The following RPH3A variants were observed in gnomAD, a reference collection of about 807,000 sequenced individuals.
RPH3A encodes the protein rabphilin-3A.
Under a neutral mutation model 102.2 loss-of-function variants are expected in RPH3A, and 48 were observed. The observed-to-expected ratio is 0.47, with a 90% CI of 0.37 to 0.60. The LOEUF (loss-of-function observed/expected upper bound fraction) is 0.60. RPH3A is among the 20% of genes least tolerant of loss of function. The probability of loss-of-function intolerance (pLI) is 0.00; values close to 1 mark genes in which losing one functional copy is unlikely to be tolerated. For synonymous variants in RPH3A, 310 were observed against 324.3 expected (o/e 0.96, Z 0.47); for missense variants, 781 against 910.1 (o/e 0.86, Z 1.83).
At chr12:112,798,120 A>G (rs567449602) in intron 2 of RPH3A, among the ~76,000 whole-genome samples, 1 of 152,342 alleles carries the variant, frequency 6.6e-6, no homozygotes, top group South Asian at 2.1e-4. Flanking sequence ...TCTTGCTGTC[A>G]TTGGTTTTAA....
rs1840259716 is a variant in RPH3A at position 112,736,467 on chromosome 12, A to G, written c.-139-55676A>G. ...GACTTTGTCTTCTTCAGCATCTTGC[A>G]TTGGCCTGGCACATAGTAAGTGCTG... On this transcript the variant is annotated intron_variant, in intron 1 of 21. Transcript: ENST00000543106. 2.6e-5 allele frequency among the ~76,000 whole-genome samples: 4 copies of G among 152,218 alleles called. No homozygotes were observed. The South Asian group carries it at 8.3e-4, about 32-fold the overall frequency.
At chr12:112,691,189 T>C (rs1364563377) in intron 1 of RPH3A, among the ~76,000 whole-genome samples, 1 of 152,134 alleles carries the variant, frequency 6.6e-6, no homozygotes, top group Non-Finnish European at 1.5e-5. Flanking sequence ...CACGCCCGGC[T>C]AATTTTTTAT....
At chr12:112,597,719 A>C (rs1024555398) in intron 1 of RPH3A, among the ~76,000 whole-genome samples, 1 of 152,234 alleles carries the variant, frequency 6.6e-6, no homozygotes, top group Admixed American at 6.5e-5. Flanking sequence ...GCATGAAACA[A>C]GTTTGTAATT....
chr12:112,652,560 T>C (rs969934568), intron 1 of RPH3A, among the ~76,000 whole-genome samples: 5 of 152,210 alleles, frequency 3.3e-5, no homozygotes, highest in African/African-American at 1.2e-4. Flanking sequence ...CTGGTGGCTG[T>C]TGAGTGACCC....
chr12:112,724,052 A>ATTTTTT (rs146271090), intron 1 of RPH3A, among the ~76,000 whole-genome samples: 1 of 117,324 alleles, frequency 8.5e-6, no homozygotes, highest in Non-Finnish European at 1.7e-5. Flanking sequence ...AATTTTTTTG[A>ATTTTTT]TTTTTTTTTT....
intron 4 of RPH3A, among the ~76,000 whole-genome samples, chr12:112,838,626 G>A (rs1437280940): frequency 1.3e-5 from 2 of 152,230 alleles, no homozygotes; most frequent in Non-Finnish European, 2.9e-5. Context: ...CACCTCTGCT[G>A]TTGAATGCTT....
In RPH3A at chr12:112,611,183, T is replaced by C. The variant is rs572402316; in HGVS notation, c.-140+35864T>C. On this transcript the variant is annotated intron_variant, in intron 1 of 21. Coordinates refer to the RPH3A transcript ENST00000543106. ...GTTATAGGTAGATGTCAAGCATTCT[T>C]TCTTTCTTACCTTTTAGCTTGTTAA... is the stretch of plus-strand genomic sequence containing the variant. 2.0e-5 allele frequency among the ~76,000 whole-genome samples: 3 copies of C among 152,324 alleles called. No individual in the cohort carries two copies. In the South Asian group the frequency reaches 6.2e-4, roughly 32 times the overall value.
chr12:112,896,517 A>C, intron 21 of RPH3A, 133 bp from the exon 22 acceptor site: 1 of 1,002,912 alleles, frequency 1.0e-6, no homozygotes, highest in Admixed American at 2.3e-5. Context: ...ACGTTATAAC[A>C]ACTCTCTATA....
intron 1 of RPH3A, among the ~76,000 whole-genome samples, chr12:112,669,797 A>T (rs2040114262): frequency 6.6e-6 from 1 of 152,150 alleles, no homozygotes; most frequent in Non-Finnish European, 1.5e-5. Flanking sequence ...GGGTCTACTC[A>T]TTCTTTCTTT....
intron 2 of RPH3A, among the ~76,000 whole-genome samples, chr12:112,820,460 G>A (rs897114490): frequency 6.6e-6 from 1 of 152,126 alleles, no homozygotes; most frequent in Non-Finnish European, 1.5e-5. Flanking sequence ...CAGATCTGCC[G>A]GTCGCTGGCT....
intron 1 of RPH3A, among the ~76,000 whole-genome samples, chr12:112,592,325 A>AT: frequency 6.6e-6 from 1 of 152,236 alleles, no homozygotes; most frequent in East Asian, 1.9e-4. Flanking sequence ...AATAGTTATT[A>AT]TTATTATTAT....
At chr12:112,861,691 A>G (rs2042515586) in intron 5 of RPH3A, among the ~76,000 whole-genome samples, 1 of 152,144 alleles carries the variant, frequency 6.6e-6, no homozygotes, top group Non-Finnish European at 1.5e-5. Flanking sequence ...AGTAATCCTT[A>G]GCTTCTAGTG....
At position 112,609,077 on chromosome 12, in the gene RPH3A, C is replaced by T. The variant is rs551682561; in HGVS notation, c.-140+33758C>T. Among the ~76,000 whole-genome samples, 33 of 152,268 alleles carry T rather than the reference C, an allele frequency of 2.2e-4. 1 individual carries two copies. Among genetic ancestry groups the T allele is most frequent in the Admixed American group, 5.9e-4 (9 of 15,286 alleles). ...TGGACGATGCCAGATCTGGATGTTT[C>T]GTGAGCACCATCTTCCCCAAATCCT... On this transcript the variant is annotated intron_variant, in intron 1 of 21. Transcript: ENST00000543106.
chr12:112,785,096 C>T (rs1659880309), intron 1 of RPH3A, among the ~76,000 whole-genome samples: 1 of 152,156 alleles, frequency 6.6e-6, no homozygotes, highest in Admixed American at 6.5e-5. Context: ...GTGGTGCATG[C>T]CTCTAATCCC....
chr12:112,679,223 G>A (rs1490140470), intron 1 of RPH3A, among the ~76,000 whole-genome samples: 4 of 151,896 alleles, frequency 2.6e-5, no homozygotes, highest in Non-Finnish European at 5.9e-5. Flanking sequence ...GCGCAGTCTC[G>A]GCTCACTGCA....
At chr12:112,748,751 G>A (rs1335521582) in intron 1 of RPH3A, among the ~76,000 whole-genome samples, 1 of 152,144 alleles carries the variant, frequency 6.6e-6, no homozygotes, top group Non-Finnish European at 1.5e-5. Context: ...CACTGCCATT[G>A]ACCCTGAATA....
At chr12:112,860,487 G>T (rs1157375648) in intron 5 of RPH3A, among the ~76,000 whole-genome samples, 2 of 152,218 alleles carry the variant, frequency 1.3e-5, no homozygotes, top group Non-Finnish European at 2.9e-5. Flanking sequence ...GAAAGGAGCA[G>T]GCAATAGGTG....
At chr12:112,813,469 T>C (rs1009006216) in intron 2 of RPH3A, 2 of 152,208 alleles carry the variant, frequency 1.3e-5, no homozygotes, top group Admixed American at 6.5e-5. Context: ...GATTTATTGT[T>C]CATGAGAACT....
intron 1 of RPH3A, among the ~76,000 whole-genome samples, chr12:112,773,930 A>C (rs1313315672): frequency 6.6e-6 from 1 of 152,026 alleles, no homozygotes; most frequent in Non-Finnish European, 1.5e-5. Flanking sequence ...AAAAGTATAA[A>C]AATTAACTGG....
Sources: gnomAD v4.1 joint callset for allele counts (sites outside exome capture counted in the v4.1 genomes callset) on GRCh38, gnomAD v4.1.1 for gene constraint, MANE v1.5 for transcripts, NCBI Gene and HGNC (gene_info 2026-07-23, HGNC 2026-07-21) for gene names.